Variants in RRP15 observed in about 807,000 individuals in gnomAD.
RRP15 encodes ribosomal RNA processing 15 homolog, also known as RRP15-like protein.
In RRP15, 18 loss-of-function variants were observed where a neutral mutation model predicts 27.1. The ratio of observed to expected loss-of-function variants is 0.66; its 90% CI spans 0.46 to 0.98. RRP15 has a LOEUF of 0.98. Ranked by LOEUF, RRP15 falls within the 50% of genes least tolerant of loss-of-function variation. RRP15 has a pLI of 0.00. For synonymous variants in RRP15, 107 were observed against 109.4 expected (o/e 0.98, Z 0.14); for missense variants, 359 against 337.8 (o/e 1.06, Z -0.49).
rs145746636 is a variant in RRP15 at position 218,290,669 on chromosome 1, A to G, written c.139+5214A>G. Among the ~76,000 whole-genome samples the G allele has an allele frequency of 2.4e-3, 363 of 152,250 alleles. 1 individual carries two copies. The highest frequency in any genetic ancestry group is 4.2e-3 in the Non-Finnish European group (284 of 68,022). On this transcript the variant is annotated intron_variant, in intron 1 of 4. Transcript: ENST00000366932. The stretch of plus-strand genomic sequence containing the variant: ...TTTTTGGAAGAGATGAGGTTTTGCC[A>G]TGTTGCTCAGACTGGTCTTGAACTC...
At chr1:218,299,952 T>G (rs10157333) in intron 1 of RRP15, among the ~76,000 whole-genome samples, 5,018 of 152,220 alleles carry the variant, frequency 0.033, 263 homozygotes, top group African/African-American at 0.11. Context: ...TTATTGAATT[T>G]GTTAATAGTG....
At chr1:218,315,901 A>G (rs892116338) in intron 4 of RRP15, among the ~76,000 whole-genome samples, 1 of 152,188 alleles carries the variant, frequency 6.6e-6, no homozygotes, top group Non-Finnish European at 1.5e-5. Context: ...TGGAATCCTA[A>G]TTTTGTAAAT....
intron 4 of RRP15, among the ~76,000 whole-genome samples, chr1:218,322,232 T>A (rs956856651): frequency 6.6e-6 from 1 of 152,272 alleles, no homozygotes; most frequent in East Asian, 1.9e-4. Flanking sequence ...ATTACTTCAC[T>A]TCTCTGAGCC....
At chr1:218,292,556 C>T (rs889039729) in intron 1 of RRP15, among the ~76,000 whole-genome samples, 1 of 151,414 alleles carries the variant, frequency 6.6e-6, no homozygotes, top group African/African-American at 2.5e-5. Flanking sequence ...CCCTTCACTG[C>T]TCTAAGCATG....
intron 1 of RRP15, among the ~76,000 whole-genome samples, chr1:218,287,436 A>G (rs1655567491): frequency 6.6e-6 from 1 of 152,160 alleles, no homozygotes; most frequent in Admixed American, 6.5e-5. Context: ...CCAATATGGA[A>G]ACCTAATTTA....
At chr1:218,308,884 G>A (rs187224765) in intron 4 of RRP15, among the ~76,000 whole-genome samples, 2 of 152,340 alleles carry the variant, frequency 1.3e-5, no homozygotes, top group East Asian at 3.9e-4. Context: ...TACTGTAAGA[G>A]TTAGAGAAAG....
chr1:218,295,124 C>G (rs1655699847), intron 1 of RRP15, among the ~76,000 whole-genome samples: 1 of 152,094 alleles, frequency 6.6e-6, no homozygotes, highest in African/African-American at 2.4e-5. Context: ...AACCCCAAAA[C>G]AGAAAAACAG....
rs1261862986 is a variant in RRP15 at position 218,311,687 on chromosome 1, T to G, written c.705+4055T>G. On this transcript the variant is annotated intron_variant, in intron 4 of 4. Coordinates refer to ENST00000366932, the MANE Select transcript of RRP15 (RefSeq NM_016052.4). ...CGCCTCTCTCCTATGCAGTATCCTC[T>G]GTTTTTTCGGACTAAACGTCTTATT... Among the ~76,000 whole-genome samples the G allele has an allele frequency of 2.6e-5, 4 of 152,254 alleles. No individual in the cohort carries two copies. The East Asian group carries it at 7.7e-4, about 29-fold the overall frequency.
chr1:218,319,212 C>T (rs974079996), intron 4 of RRP15, among the ~76,000 whole-genome samples: 2 of 151,812 alleles, frequency 1.3e-5, no homozygotes, highest in Middle Eastern at 3.2e-3. Flanking sequence ...TTACAGGCGC[C>T]CGCCACGACG....
At chr1:218,305,162 A>T in intron 3 of RRP15, 37 bp downstream of exon 3, 1 of 1,479,180 alleles carries the variant, frequency 6.8e-7, no homozygotes, top group African/African-American at 1.4e-5. Context: ...AAATAAGTAT[A>T]CTAAAGCTAT....
chr1:218,315,568 C>T (rs532855051), intron 4 of RRP15, among the ~76,000 whole-genome samples: 1 of 152,156 alleles, frequency 6.6e-6, no homozygotes, highest in African/African-American at 2.4e-5. Flanking sequence ...GCTGAGATTA[C>T]AGGCGCATGC....
Position 218,285,296 on chromosome 1 carries a change from T to G in RRP15, c.-21T>G. The G allele has an allele frequency of 6.2e-7, 1 of 1,612,376 alleles. No homozygotes were observed. On this transcript the variant is annotated 5_prime_UTR_variant, in exon 1 of 5. Transcript: ENST00000366932. ...GTTGCCACCGGACGCAACTGTCAGG[T>G]GACGCTTCCGGCGCAGAAAAATGGC...
chr1:218,311,963 C>T (rs986620899), intron 4 of RRP15, among the ~76,000 whole-genome samples: 2 of 152,150 alleles, frequency 1.3e-5, no homozygotes, highest in Admixed American at 6.5e-5. Flanking sequence ...CAGACAGAAT[C>T]GGAGCAGGCA....
rs992403361 is a variant in RRP15 at position 218,335,083 on chromosome 1, T to A, written c.*3992T>A. 2 of 152,222 alleles carry A rather than the reference T, an allele frequency of 1.3e-5. No individual in the cohort carries two copies. Among genetic ancestry groups the A allele is most frequent in the Non-Finnish European group, 2.9e-5 (2 of 68,036 alleles). The allele number at this position is 152,222 out of a possible 1,614,324, so 9.4% of individuals were successfully genotyped here. A position where few individuals can be genotyped will look rare whatever the true frequency, so the allele number is the denominator to read the frequency against. ...AATGCTAAGTTAGAATGAATAATCA[T>A]AATTATATAGATGGAAGATATATTC... On this transcript the variant is annotated 3_prime_UTR_variant, in exon 5 of 5. Transcript: ENST00000366932.
At chr1:218,317,299 T>C (rs1656104433) in intron 4 of RRP15, among the ~76,000 whole-genome samples, 1 of 152,238 alleles carries the variant, frequency 6.6e-6, no homozygotes, top group African/African-American at 2.4e-5. Context: ...TGTTTTTACG[T>C]AATTCCACTT....
chr1:218,285,592 T>C, intron 1 of RRP15, 137 bp downstream of exon 1: 1 of 1,078,020 alleles, frequency 9.3e-7, no homozygotes, highest in Non-Finnish European at 1.4e-6. Flanking sequence ...CGACTTTGGC[T>C]TAGTGAGGAG....
At chr1:218,307,931 T>C (rs1655926481) in intron 4 of RRP15, among the ~76,000 whole-genome samples, 1 of 152,108 alleles carries the variant, frequency 6.6e-6, no homozygotes, top group African/African-American at 2.4e-5. Context: ...TAGGAAATAA[T>C]GGTAGAAAGT....
At chr1:218,330,580 A>C (rs547843481) in intron 4 of RRP15, among the ~76,000 whole-genome samples, 3 of 152,320 alleles carry the variant, frequency 2.0e-5, no homozygotes, top group East Asian at 1.9e-4. Flanking sequence ...ATTTTCTAGT[A>C]AATTATCACT....
intron 1 of RRP15, among the ~76,000 whole-genome samples, chr1:218,293,618 G>A (rs1032493516): frequency 6.6e-5 from 10 of 152,264 alleles, no homozygotes; most frequent in African/African-American, 2.4e-4. Context: ...TTAGTAAGAC[G>A]CTACTTGAGT....
Sources: gnomAD v4.1 joint callset for allele counts (sites outside exome capture counted in the v4.1 genomes callset) on GRCh38, gnomAD v4.1.1 for gene constraint, MANE v1.5 for transcripts, NCBI Gene and HGNC (gene_info 2026-07-23, HGNC 2026-07-21) for gene names.